The following EYS variants were observed in gnomAD, a reference collection of about 807,000 sequenced individuals.
EYS encodes EGF-like photoreceptor maintenance factor.
In EYS, 250 loss-of-function variants were observed where a neutral mutation model predicts 282.1. The ratio of observed to expected loss-of-function variants is 0.89; its 90% CI spans 0.80 to 0.98. EYS has a LOEUF of 0.98. EYS is among the 50% of genes least tolerant of loss of function. The pLI is 0.00. For missense variants in EYS, 4,016 were observed against 3,709.0 expected, an observed-to-expected ratio of 1.08 and a Z score of -2.15; for synonymous variants, 1,355 against 1,282.9, an observed-to-expected ratio of 1.06 and a Z score of -1.20.
rs144699574 is a variant in EYS, at chr6:64,493,286, T to C, written c.5645-53934A>G. Reference sequence around the variant, plus strand: ...AGAGCTGCAAATCAAAATGATTAAATATAAGAAATCATCTAGCAAGACTTT... The same window carrying C: ...AGAGCTGCAAATCAAAATGATTAAACATAAGAAATCATCTAGCAAGACTTT... On this transcript the variant is annotated intron_variant, in intron 26 of 42. Transcript: ENST00000503581. Among the ~76,000 whole-genome samples, 12 of 151,442 alleles carry C rather than the reference T, an allele frequency of 7.9e-5. No homozygotes were observed. The East Asian group carries it at 2.3e-3, about 29-fold the overall frequency.
At chr6:65,119,203 G>A (rs1775459127) in intron 12 of EYS, among the ~76,000 whole-genome samples, 1 of 152,130 alleles carries the variant, frequency 6.6e-6, no homozygotes, top group African/African-American at 2.4e-5. Context: ...TCTAAGACTT[G>A]AGCCTCTGCC....
chr6:65,221,129 G>C (rs1030452668), intron 12 of EYS, among the ~76,000 whole-genome samples: 1 of 152,194 alleles, frequency 6.6e-6, no homozygotes, highest in South Asian at 2.1e-4. Context: ...GAGCATAAAA[G>C]TTCATAAACT....
intron 1 of EYS, among the ~76,000 whole-genome samples, chr6:65,682,761 G>A (rs1768880497): frequency 1.3e-5 from 2 of 151,742 alleles, no homozygotes; most frequent in Non-Finnish European, 1.5e-5. Context: ...AGTTTCAAGA[G>A]GTGATGCTAA....
intron 33 of EYS, among the ~76,000 whole-genome samples, chr6:64,062,919 G>A (rs1460279764): frequency 2.6e-5 from 4 of 151,588 alleles, no homozygotes; most frequent in East Asian, 1.9e-4. Flanking sequence ...TTCTCTAATC[G>A]GGCTTCTTCC....
intron 22 of EYS, among the ~76,000 whole-genome samples, chr6:64,810,675 G>T (rs1451026871): frequency 2.0e-5 from 3 of 151,998 alleles, no homozygotes; most frequent in African/African-American, 7.2e-5. Flanking sequence ...GGAATATTCT[G>T]CAGGTCATTA....
At chr6:65,219,473 A>G (rs1766404774) in intron 12 of EYS, among the ~76,000 whole-genome samples, 1 of 152,132 alleles carries the variant, frequency 6.6e-6, no homozygotes. Flanking sequence ...AAGAAAAGAT[A>G]ACATTTTCTT....
intron 22 of EYS, among the ~76,000 whole-genome samples, chr6:64,688,586 A>G (rs9351363): frequency 0.68 from 103,477 of 151,962 alleles, 36,295 homozygotes; most frequent in Middle Eastern, 0.78. Flanking sequence ...GTGGTCTGAG[A>G]GACAGTTTGT....
At chr6:65,021,896 C>G (rs1224106258) in intron 13 of EYS, among the ~76,000 whole-genome samples, 1 of 152,052 alleles carries the variant, frequency 6.6e-6, no homozygotes, top group Non-Finnish European at 1.5e-5. Flanking sequence ...GGGGAAAGCC[C>G]TTTATAAAAT....
intron 28 of EYS, among the ~76,000 whole-genome samples, chr6:64,394,363 G>C (rs74539113): frequency 6.6e-6 from 1 of 151,670 alleles, no homozygotes; most frequent in Non-Finnish European, 1.5e-5. Flanking sequence ...GAGGCATCAC[G>C]CTACCTGACT....
chr6:63,942,466 T>C (rs1765271445), intron 35 of EYS, among the ~76,000 whole-genome samples: 1 of 152,142 alleles, frequency 6.6e-6, no homozygotes, highest in African/African-American at 2.4e-5. Flanking sequence ...CTCTAATTAA[T>C]AGAAAATTAA....
At chr6:65,108,112 T>G (rs1307653786) in intron 12 of EYS, among the ~76,000 whole-genome samples, 1 of 152,126 alleles carries the variant, frequency 6.6e-6, no homozygotes, top group African/African-American at 2.4e-5. Context: ...CTTTACTGAA[T>G]ATATGTATGA....
At chr6:64,744,474 G>A (rs542925105) in intron 22 of EYS, among the ~76,000 whole-genome samples, 1 of 152,224 alleles carries the variant, frequency 6.6e-6, no homozygotes, top group South Asian at 2.1e-4. Context: ...CCTCTCACAT[G>A]TTCCTAGCCA....
chr6:65,063,361 A>G (rs374747966), intron 12 of EYS, among the ~76,000 whole-genome samples: 1 of 152,038 alleles, frequency 6.6e-6, no homozygotes, highest in East Asian at 1.9e-4. Flanking sequence ...ATTCTAAACA[A>G]AAGTCTTACT....
intron 18 of EYS, among the ~76,000 whole-genome samples, chr6:64,900,011 T>A (rs1767603458): frequency 6.6e-6 from 1 of 152,170 alleles, no homozygotes; most frequent in South Asian, 2.1e-4. Flanking sequence ...CAAAACAGCA[T>A]GGTGCTGGTA....
At chr6:64,104,365 AGT>A (rs151148125) in intron 31 of EYS, among the ~76,000 whole-genome samples, 2 of 151,712 alleles carry the variant, frequency 1.3e-5, no homozygotes, top group South Asian at 2.1e-4. Context: ...AGAGAGAGTG[AGT>A]GTGTGTGTGT....
chr6:64,829,573 G>A (rs531487083), intron 19 of EYS, among the ~76,000 whole-genome samples: 2 of 152,046 alleles, frequency 1.3e-5, no homozygotes, highest in East Asian at 3.9e-4. Context: ...TTACAACAAA[G>A]CATAGTAGCA....
At chr6:65,671,905 TCTAAGTG>T (rs1562320186) in intron 1 of EYS, among the ~76,000 whole-genome samples, 2 of 152,084 alleles carry the variant, frequency 1.3e-5, no homozygotes, top group African/African-American at 4.8e-5. Context: ...CCTATTTGAA[TCTAAGTG>T]CTGACAGGAA....
intron 13 of EYS, 86 bp from the exon 14 acceptor site, chr6:64,997,789 T>A (rs1771320708): frequency 2.4e-6 from 3 of 1,224,988 alleles, no homozygotes; most frequent in Non-Finnish European, 3.4e-6. Context: ...TCTATAATCA[T>A]TTATGTAGTT....
At chr6:65,148,929 G>T (rs1764546938) in intron 12 of EYS, among the ~76,000 whole-genome samples, 1 of 152,072 alleles carries the variant, frequency 6.6e-6, no homozygotes, top group African/African-American at 2.4e-5. Flanking sequence ...TTTAGCCATG[G>T]TTGGAGATGA....
Sources: gnomAD v4.1 joint callset for allele counts (sites outside exome capture counted in the v4.1 genomes callset) on GRCh38, gnomAD v4.1.1 for gene constraint, MANE v1.5 for transcripts, NCBI Gene and HGNC (gene_info 2026-07-23, HGNC 2026-07-21) for gene names.